ITGA1: variants seen among roughly 807,000 people sequenced by gnomAD.
ITGA1 encodes the protein integrin alpha-1.
Under a neutral mutation model 145.9 loss-of-function variants are expected in ITGA1, and 85 were observed. The observed-to-expected ratio is 0.58, with a 90% confidence interval of 0.49 to 0.70. The LOEUF is 0.70. Ranked by LOEUF, ITGA1 falls within the 30% of genes least tolerant of loss-of-function variation. The probability of loss-of-function intolerance (pLI) is 0.00; values close to 1 mark genes in which losing one functional copy is unlikely to be tolerated. For missense variants in ITGA1, 1,351 were observed against 1,418.7 expected (o/e 0.95, Z 0.77); for synonymous variants, 520 against 495.3 (o/e 1.05, Z -0.66).
chr5:52,858,431 A>G (rs188697328), intron 2 of ITGA1, among the ~76,000 whole-genome samples: 20 of 152,354 alleles, frequency 1.3e-4, no homozygotes, highest in African/African-American at 4.6e-4. Context: ...TTGCAATAGT[A>G]CATGTATAGT....
intron 1 of ITGA1, among the ~76,000 whole-genome samples, chr5:52,848,068 C>T (rs1392577204): frequency 6.6e-6 from 1 of 152,202 alleles, no homozygotes; most frequent in Admixed American, 6.5e-5. Flanking sequence ...ATGTGCCAGG[C>T]ACTGGGTAGA....
chr5:52,827,666 G>A (rs1748991116), intron 1 of ITGA1, among the ~76,000 whole-genome samples: 1 of 152,160 alleles, frequency 6.6e-6, no homozygotes, highest in Non-Finnish European at 1.5e-5. Flanking sequence ...AATTGCCAGA[G>A]CCACTGCAGC....
In ITGA1 at chr5:52,958,800, A is replaced by G. The variant is rs1751338434; in HGVS notation, c.*6349A>G. 1 of 152,162 alleles carries G rather than the reference A, an allele frequency of 6.6e-6. No individual in the cohort carries two copies. Among genetic ancestry groups the G allele is most frequent in the Non-Finnish European group, 1.5e-5 (1 of 68,022 alleles). The allele number at this position is 152,162 out of a possible 1,614,324, so 9.4% of individuals were successfully genotyped here. On this transcript the variant is annotated 3_prime_UTR_variant, in exon 29 of 29. Transcript: ENST00000282588. ...CTGATCTAACATAAAGTTATATTTCATTGCTCATTTTTTTTTGCCTCACTA... is the reference window on the plus strand; with the variant it reads ...CTGATCTAACATAAAGTTATATTTCGTTGCTCATTTTTTTTTGCCTCACTA...
chr5:52,941,165 T>C (rs1393605942), intron 26 of ITGA1, among the ~76,000 whole-genome samples: 1 of 152,214 alleles, frequency 6.6e-6, no homozygotes, highest in Non-Finnish European at 1.5e-5. Flanking sequence ...ATATTTTCTT[T>C]ATCCAGGCCA....
At chr5:52,822,742 C>T (rs188011868) in intron 1 of ITGA1, among the ~76,000 whole-genome samples, 65 of 152,288 alleles carry the variant, frequency 4.3e-4, no homozygotes, top group Admixed American at 3.1e-3. Flanking sequence ...TTCGTATGAT[C>T]GGTAATTACA....
rs1561246323 is a variant in ITGA1 at position 52,911,547 on chromosome 5, C to CTATATATAGTGTATCTACTATATATACTA, written c.1857+1193_1857+1221dup. Among the ~76,000 whole-genome samples the CTATATATAGTGTATCTACTATATATACTA allele has an allele frequency of 1.7e-3, 164 of 93,856 alleles. 4 individuals carry two copies. The highest frequency in any genetic ancestry group is 4.5e-3 in the African/African-American group (91 of 20,402). The allele number at this position is 93,856 out of a possible 152,430, so 61.6% of individuals were successfully genotyped here. On this transcript the variant is annotated intron_variant, in intron 14 of 28. Transcript: ENST00000282588. ...TATATCTATATATTAGATACATATA[C>CTATATATAGTGTATCTACTATATATACTA]TATATATAGTGTATCTACTATATAT...
At chr5:52,932,594 A>G (rs1750908961) in intron 22 of ITGA1, 1 of 152,504 alleles carries the variant, frequency 6.6e-6, no homozygotes, top group Admixed American at 6.5e-5. Context: ...TTCTTCCACC[A>G]TTCATAAACC....
intron 12 of ITGA1, among the ~76,000 whole-genome samples, chr5:52,906,916 G>A (rs1053214873): frequency 2.0e-5 from 3 of 152,182 alleles, no homozygotes; most frequent in Admixed American, 6.5e-5. Flanking sequence ...TGCCCTGCAG[G>A]AGCAGTATCT....
intron 6 of ITGA1, among the ~76,000 whole-genome samples, chr5:52,869,339 T>C (rs1307353037): frequency 6.6e-6 from 1 of 152,112 alleles, no homozygotes; most frequent in Non-Finnish European, 1.5e-5. Flanking sequence ...TTTTGTATTT[T>C]TAGTAGAGAT....
At chr5:52,874,281 C>T (rs573174443) in intron 6 of ITGA1, among the ~76,000 whole-genome samples, 1 of 152,144 alleles carries the variant, frequency 6.6e-6, no homozygotes, top group East Asian at 1.9e-4. Flanking sequence ...AATCCAGCCC[C>T]ACAAGAGTGA....
intron 7 of ITGA1, among the ~76,000 whole-genome samples, chr5:52,885,997 C>T (rs565357990): frequency 1.3e-5 from 2 of 152,226 alleles, no homozygotes; most frequent in South Asian, 2.1e-4. Context: ...CATGGAACAG[C>T]GTAATAAGAT....
At chr5:52,886,554 A>G (rs1176552210) in intron 7 of ITGA1, among the ~76,000 whole-genome samples, 1 of 152,238 alleles carries the variant, frequency 6.6e-6, no homozygotes, top group Non-Finnish European at 1.5e-5. Flanking sequence ...CCAAAATCCT[A>G]GAAATATATG....
chr5:52,893,097 CT>C (rs1287431210), intron 8 of ITGA1, among the ~76,000 whole-genome samples: 2 of 152,066 alleles, frequency 1.3e-5, no homozygotes, highest in African/African-American at 4.8e-5. Flanking sequence ...TCTCTCTCCT[CT>C]TCATAAAAAA....
chr5:52,830,079 TAA>T (rs1367137312), intron 1 of ITGA1, among the ~76,000 whole-genome samples: 1 of 152,154 alleles, frequency 6.6e-6, no homozygotes, highest in Non-Finnish European at 1.5e-5. Flanking sequence ...TTCAATAGAT[TAA>T]AAGTTATTTG....
intron 6 of ITGA1, among the ~76,000 whole-genome samples, chr5:52,869,387 C>A (rs935553249): frequency 1.3e-5 from 2 of 152,262 alleles, no homozygotes; most frequent in South Asian, 4.1e-4. Flanking sequence ...TCTTGAACTC[C>A]CGACCACAGA....
intron 15 of ITGA1, among the ~76,000 whole-genome samples, chr5:52,916,059 A>G (rs532350953): frequency 4.9e-4 from 74 of 152,188 alleles, no homozygotes; most frequent in Admixed American, 5.2e-4. Flanking sequence ...ATCTTCGCTC[A>G]GCCTTTAAAA....
chr5:52,839,857 A>G (rs1239805657), intron 1 of ITGA1, among the ~76,000 whole-genome samples: 1 of 152,180 alleles, frequency 6.6e-6, no homozygotes, highest in East Asian at 1.9e-4. Flanking sequence ...AGGTGAAGCA[A>G]TGAAAGTAAG....
At chr5:52,847,106 C>T (rs1210025043) in intron 1 of ITGA1, among the ~76,000 whole-genome samples, 2 of 152,028 alleles carry the variant, frequency 1.3e-5, no homozygotes, top group African/African-American at 4.8e-5. Flanking sequence ...ACACAGATAA[C>T]TATATAGTAT....
chr5:52,802,141 G>A (rs1202283118), intron 1 of ITGA1: 1 of 264,114 alleles, frequency 3.8e-6, no homozygotes. Context: ...CGATGCCTAT[G>A]CAGTATATTG....
Sources: allele counts gnomAD v4.1 joint callset (sites outside exome capture counted in the v4.1 genomes callset), GRCh38; gene constraint gnomAD v4.1.1; transcripts MANE v1.5; gene names NCBI Gene and HGNC (gene_info 2026-07-23, HGNC 2026-07-21).